Variants in GLIS3 observed in about 807,000 individuals in gnomAD.
GLIS3 encodes GLIS family zinc finger 3.
GLIS3 carries 53 observed loss-of-function variants against 78.6 expected under a neutral mutation model. That is an observed-to-expected ratio of 0.67 (90% confidence interval 0.54 to 0.85). GLIS3 has a LOEUF of 0.85. Ranked by LOEUF, GLIS3 falls within the 40% of genes least tolerant of loss-of-function variation. The pLI is 0.00. For missense variants in GLIS3, 1,703 were observed against 1,231.1 expected, an observed-to-expected ratio of 1.38 and a Z score of -5.74; for synonymous variants, 684 against 509.9, an observed-to-expected ratio of 1.34 and a Z score of -4.60.
At chr9:4,373,512 T>A in the GLIS3 span, among the ~76,000 whole-genome samples, 4 of 152,148 alleles carry the variant, frequency 2.6e-5, no homozygotes, top group Non-Finnish European at 5.9e-5. Context: ...TGCACGTATT[T>A]CTGGGACCAC....
the GLIS3 span, among the ~76,000 whole-genome samples, chr9:4,391,190 C>G: frequency 3.3e-5 from 5 of 152,144 alleles, no homozygotes; most frequent in Admixed American, 3.3e-4. Context: ...TTCCTCTGAT[C>G]CCCCTTTCAT....
At chr9:4,272,291 C>G (rs549536788) in intron 2 of GLIS3, among the ~76,000 whole-genome samples, 4 of 152,178 alleles carry the variant, frequency 2.6e-5, no homozygotes, top group African/African-American at 9.7e-5. Flanking sequence ...TAAACATATG[C>G]CAGACACTAC....
chr9:3,985,704 G>C (rs140289129), intron 4 of GLIS3, among the ~76,000 whole-genome samples: 2 of 152,282 alleles, frequency 1.3e-5, no homozygotes, highest in Non-Finnish European at 2.9e-5. Flanking sequence ...TTTTAGCAAA[G>C]GAAGCAAAAT....
intron 7 of GLIS3, among the ~76,000 whole-genome samples, chr9:3,881,542 CA>C (rs1821727061): frequency 6.6e-6 from 1 of 152,146 alleles, no homozygotes; most frequent in African/African-American, 2.4e-5. Context: ...GCATTAGCTA[CA>C]ATGACATAGG....
chr9:4,481,423 G>A, the GLIS3 span, among the ~76,000 whole-genome samples: 2 of 152,016 alleles, frequency 1.3e-5, no homozygotes, highest in Middle Eastern at 3.4e-3. Flanking sequence ...GGTGTATGTT[G>A]CAGTGAGCCT....
chr9:4,123,962 G>A, intron 3 of GLIS3: 1 of 389,888 alleles, frequency 2.6e-6, no homozygotes, highest in Non-Finnish European at 4.5e-6. Context: ...TCCACTCCCA[G>A]CATGCCCCCA....
At chr9:3,837,200 C>T (rs1818405669) in intron 9 of GLIS3, among the ~76,000 whole-genome samples, 1 of 152,206 alleles carries the variant, frequency 6.6e-6, no homozygotes, top group South Asian at 2.1e-4. Context: ...TAAGGCCCTT[C>T]ATACTACTAA....
At chr9:4,461,858 G>A in the GLIS3 span, among the ~76,000 whole-genome samples, 2 of 152,144 alleles carry the variant, frequency 1.3e-5, no homozygotes, top group African/African-American at 4.8e-5. Context: ...GTTTGTTGTC[G>A]TCAAGCTCTG....
At chr9:4,107,136 C>G (rs1830818571) in intron 4 of GLIS3, among the ~76,000 whole-genome samples, 1 of 152,164 alleles carries the variant, frequency 6.6e-6, no homozygotes, top group Admixed American at 6.5e-5. Flanking sequence ...CAGGTCGCCA[C>G]TCATGGAAAG....
rs140349779 is a variant in GLIS3 at position 3,896,016 on chromosome 9, T to C, written c.2128+2675A>G. On this transcript the variant is annotated intron_variant, in intron 7 of 10. Coordinates refer to ENST00000381971, the MANE Select transcript of GLIS3 (RefSeq NM_001042413.2). ...ATAATAGAACATAAAAGGGAATAAC[T>C]CCAAGTACTTTTGCTATTTAGCCAA... is the stretch of plus-strand genomic sequence containing the variant. 2.2e-3 allele frequency among the ~76,000 whole-genome samples: 338 copies of C among 152,368 alleles called. 3 individuals carry two copies. Among genetic ancestry groups the C allele is most frequent in the African/African-American group, 7.9e-3 (327 of 41,584 alleles).
the GLIS3 span, among the ~76,000 whole-genome samples, chr9:4,449,056 C>T: frequency 1.3e-5 from 2 of 152,176 alleles, no homozygotes; most frequent in Non-Finnish European, 2.9e-5. Context: ...GGGGATTTCC[C>T]TTTCCTAGCC....
At chr9:3,904,995 C>A (rs1253101541) in intron 6 of GLIS3, among the ~76,000 whole-genome samples, 2 of 149,370 alleles carry the variant, frequency 1.3e-5, no homozygotes, top group South Asian at 2.1e-4. Context: ...TTTTTTGAGA[C>A]GGAGTCTTGC....
chr9:4,487,542 G>A, the GLIS3 span, among the ~76,000 whole-genome samples: 4 of 152,062 alleles, frequency 2.6e-5, no homozygotes, highest in African/African-American at 9.7e-5. Flanking sequence ...GAACCCTAGT[G>A]TAATTGTCTT....
the GLIS3 span, among the ~76,000 whole-genome samples, chr9:4,419,463 G>A: frequency 3.3e-5 from 5 of 152,180 alleles, no homozygotes; most frequent in Non-Finnish European, 7.3e-5. Flanking sequence ...GGAGGAGCAA[G>A]AGAGAGGGAA....
intron 2 of GLIS3, among the ~76,000 whole-genome samples, chr9:4,252,118 G>A (rs1430312021): frequency 6.6e-6 from 1 of 152,202 alleles, no homozygotes; most frequent in South Asian, 2.1e-4. Flanking sequence ...TCTTTGTGGT[G>A]TTCTCTGTAT....
Position 4,072,681 on chromosome 9 carries a change from C to T in GLIS3, c.1710+45087G>A, listed in dbSNP as rs186921658. Among the ~76,000 whole-genome samples, 3 of 151,506 alleles carry T rather than the reference C, an allele frequency of 2.0e-5. No individual in the cohort carries two copies. In the East Asian group the frequency reaches 5.8e-4, roughly 29 times the overall value. On this transcript the variant is annotated intron_variant, in intron 4 of 10. Transcript: ENST00000381971. ...CCAAGCATGAACTTTTTTTTAATGA[C>T]ATCCTGCTTATTACCGAGATTTCTG...
chr9:4,238,897 G>A (rs564303416), intron 2 of GLIS3, among the ~76,000 whole-genome samples: 84 of 152,030 alleles, frequency 5.5e-4, no homozygotes, highest in Non-Finnish European at 9.9e-4. Context: ...AGCAGCTACT[G>A]CAGTGACTTT....
intron 2 of GLIS3, among the ~76,000 whole-genome samples, chr9:4,144,238 T>A (rs1378887752): frequency 2.0e-5 from 3 of 151,724 alleles, no homozygotes; most frequent in Admixed American, 6.5e-5. Context: ...CCGAAAGAGA[T>A]CTGAAAAGAA....
At chr9:3,925,181 T>C (rs1227191146) in intron 6 of GLIS3, among the ~76,000 whole-genome samples, 9 of 152,206 alleles carry the variant, frequency 5.9e-5, no homozygotes, top group Non-Finnish European at 2.9e-5. Context: ...ACAGTAAATA[T>C]AAGACTACTC....
Sources: allele counts gnomAD v4.1 joint callset (sites outside exome capture counted in the v4.1 genomes callset), GRCh38; gene constraint gnomAD v4.1.1; transcripts MANE v1.5; gene names NCBI Gene and HGNC (gene_info 2026-07-23, HGNC 2026-07-21).